PCDHGA8: variants seen among roughly 807,000 people sequenced by gnomAD.
PCDHGA8 encodes the protein protocadherin gamma subfamily A, 8.
PCDHGA8 carries 45 observed loss-of-function variants against 59.2 expected under a neutral mutation model. The observed-to-expected ratio is 0.76, with a 90% CI of 0.60 to 0.98. The LOEUF is 0.98. Among genes scored for constraint, PCDHGA8 ranks in the 50% least tolerant of loss-of-function variants. The probability of loss-of-function intolerance (pLI) is 0.00; values close to 1 mark genes in which losing one functional copy is unlikely to be tolerated. For synonymous variants in PCDHGA8, 531 were observed against 519.0 expected, an observed-to-expected ratio of 1.02 and a Z score of -0.32; for missense variants, 1,257 against 1,196.2, an observed-to-expected ratio of 1.05 and a Z score of -0.75.
intron 1 of PCDHGA8, chr5:141,478,333 G>T: frequency 6.2e-7 from 1 of 1,613,928 alleles, no homozygotes; most frequent in Non-Finnish European, 8.5e-7. Context: ...GAACACCAGG[G>T]CCCTCCTTGC....
At chr5:141,478,329 C>T (rs1295950117) in intron 1 of PCDHGA8, 1 of 1,613,982 alleles carries the variant, frequency 6.2e-7, no homozygotes, top group African/African-American at 1.3e-5. Context: ...TACCGAACAC[C>T]AGGGCCCTCC....
intron 1 of PCDHGA8, chr5:141,408,845 T>C (rs560368079): frequency 1.9e-6 from 3 of 1,613,670 alleles, no homozygotes; most frequent in Non-Finnish European, 8.5e-7. Flanking sequence ...ATTGACTGCC[T>C]TGGACGGAGG....
chr5:141,468,463 T>G (rs574151637), intron 1 of PCDHGA8: 6 of 152,282 alleles, frequency 3.9e-5, no homozygotes, highest in African/African-American at 1.4e-4. Flanking sequence ...AGCAAGTTAT[T>G]TCTGAGGAGA....
At position 141,423,606 on chromosome 5, in the gene PCDHGA8, G is replaced by A. The variant is rs945897368; in HGVS notation, c.2424+28369G>A. 9 of 1,612,046 alleles carry A rather than the reference G, an allele frequency of 5.6e-6. No individual in the cohort carries two copies. In the Admixed American group the frequency reaches 1.0e-4, roughly 18 times the overall value. On this transcript the variant is annotated intron_variant, in intron 1 of 3. Transcript: ENST00000398604. ...GCTGTGAGAAAAGCGAGCCACTCTT[G>A]ATAGCTGAAGACTCAGCTATCATTT...
rs917165100 is a variant in PCDHGA8, at chr5:141,442,878, C to T, written c.2424+47641C>T. Among the ~76,000 whole-genome samples, 6 of 152,178 alleles carry T rather than the reference C, an allele frequency of 3.9e-5. No homozygotes were observed. In the South Asian group the frequency reaches 8.3e-4, roughly 21 times the overall value. The stretch of plus-strand genomic sequence containing the variant: ...GTATGAGAGATGTAAATTTACAACT[C>T]AGAATCCCTGCTTATCACTTCTCCT... On this transcript the variant is annotated intron_variant, in intron 1 of 3. Coordinates refer to ENST00000398604, the MANE Select transcript of PCDHGA8 (RefSeq NM_032088.2).
In PCDHGA8 at chr5:141,487,869, G is replaced by T; in HGVS notation, c.2425-6938G>T. On this transcript the variant is annotated intron_variant, in intron 1 of 3. Transcript: ENST00000398604. This position sits in a 1 kb window ranked among gnomAD's most constrained non-coding sequence, Gnocchi z 5.0. ...AAATGAAAGTAATTGGTGATCAAGA[G>T]CCAGGCTGTTGTGGAAGCATGATGA... 1.1e-6 allele frequency: 1 copy of T among 871,620 alleles called. No individual in the cohort carries two copies. The highest frequency in any genetic ancestry group is 1.7e-6 in the Non-Finnish European group (1 of 574,346). The allele number at this position is 871,620 out of a possible 1,614,324, so 54.0% of individuals were successfully genotyped here. A position where few individuals can be genotyped will look rare whatever the true frequency, so the allele number is the denominator to read the frequency against.
intron 1 of PCDHGA8, among the ~76,000 whole-genome samples, chr5:141,488,870 G>T (rs2099680071): frequency 6.6e-6 from 1 of 152,224 alleles, no homozygotes; most frequent in African/African-American, 2.4e-5. Context: ...TGAGTGGGGA[G>T]GTAGGAAGCT....
chr5:141,475,381 T>G (rs1182018899), intron 1 of PCDHGA8, among the ~76,000 whole-genome samples: 3 of 152,226 alleles, frequency 2.0e-5, no homozygotes, highest in Non-Finnish European at 4.4e-5. Flanking sequence ...ACTTTTAAAT[T>G]TTATAAGCCA....
intron 1 of PCDHGA8, among the ~76,000 whole-genome samples, chr5:141,451,717 A>G (rs2098722445): frequency 6.6e-6 from 1 of 152,166 alleles, no homozygotes; most frequent in Non-Finnish European, 1.5e-5. Context: ...CCCTGCCTCT[A>G]CTAAAAATAC....
intron 1 of PCDHGA8, among the ~76,000 whole-genome samples, chr5:141,456,919 C>T (rs2098898169): frequency 1.3e-5 from 2 of 152,124 alleles, no homozygotes; most frequent in South Asian, 4.1e-4. Context: ...GCCGAGATCG[C>T]ACCACTGCAC....
chr5:141,425,194 A>G (rs1464968527), intron 1 of PCDHGA8, among the ~76,000 whole-genome samples: 1 of 152,206 alleles, frequency 6.6e-6, no homozygotes, highest in Non-Finnish European at 1.5e-5. Context: ...CAAACTGAGA[A>G]AAATGATGTA....
chr5:141,415,322 T>G (rs1226384298), intron 1 of PCDHGA8: 2 of 1,614,104 alleles, frequency 1.2e-6, no homozygotes, highest in South Asian at 2.2e-5. Flanking sequence ...ATCGTGCTGC[T>G]GGCGCACAGG....
rs779250544 is a variant in PCDHGA8, at chr5:141,432,639, G to A, written c.2424+37402G>A. The A allele has an allele frequency of 1.2e-6, 2 of 1,613,816 alleles. No homozygotes were observed. Among genetic ancestry groups the A allele is most frequent in the Non-Finnish European group, 1.7e-6 (2 of 1,179,934 alleles). On this transcript the variant is annotated intron_variant, in intron 1 of 3. Coordinates refer to ENST00000398604, the MANE Select transcript of PCDHGA8 (RefSeq NM_032088.2). This position sits in a 1 kb window ranked among gnomAD's most constrained non-coding sequence, Gnocchi z 6.0. Reference sequence around the variant, plus strand: ...GTGGGTCTGCACACGGGCGAGGTGCGCACGGCGCGAGCCCTGCTGGACAGA... The same window carrying A: ...GTGGGTCTGCACACGGGCGAGGTGCACACGGCGCGAGCCCTGCTGGACAGA...
chr5:141,420,229 C>A (rs1206296211), intron 1 of PCDHGA8: 1 of 1,600,344 alleles, frequency 6.2e-7, no homozygotes, highest in South Asian at 1.1e-5. Flanking sequence ...TACTGGCTAG[C>A]ATTTTAACTC....
Position 141,491,743 on chromosome 5 carries a change from A to G in PCDHGA8, c.2425-3064A>G, listed in dbSNP as rs752434173. ...GCCCCGGGCGACCCCTGGGGGCGGC[A>G]CTGGAGAAGCCGCCCGTCCTCATAA... On this transcript the variant is annotated intron_variant, in intron 1 of 3. Transcript: ENST00000398604. The surrounding 1 kb of genome is among the most constrained non-coding windows in gnomAD (Gnocchi z 6.9). 5.0e-6 allele frequency: 8 copies of G among 1,595,570 alleles called. No individual in the cohort carries two copies. In the Admixed American group the frequency reaches 1.4e-4, roughly 28 times the overall value.
At position 141,477,284 on chromosome 5, in the gene PCDHGA8, G is replaced by A. The variant is rs751714522; in HGVS notation, c.2425-17523G>A. 5.0e-6 allele frequency: 8 copies of A among 1,614,150 alleles called. No homozygotes were observed. The South Asian group carries it at 6.6e-5, about 13-fold the overall frequency. ...TGGCGAGAACGGGCTGGTGACCTGC[G>A]AAGTTCCACCGGGTCTCCCTTTCAG... On this transcript the variant is annotated intron_variant, in intron 1 of 3. Transcript: ENST00000398604. This position sits in a 1 kb window ranked among gnomAD's most constrained non-coding sequence, Gnocchi z 4.9.
chr5:141,454,351 C>T (rs1406631649), intron 1 of PCDHGA8, among the ~76,000 whole-genome samples: 2 of 152,152 alleles, frequency 1.3e-5, no homozygotes, highest in Non-Finnish European at 2.9e-5. Flanking sequence ...GAAGTTGATC[C>T]AAACTTAGAA....
At position 141,487,791 on chromosome 5, in the gene PCDHGA8, C is replaced by T; in HGVS notation, c.2425-7016C>T. ...CTTTGTAACTGTTTCGTGAATTAAC[C>T]AGAGTTGTCACAGTTTAGCATTGGG... On this transcript the variant is annotated intron_variant, in intron 1 of 3. Coordinates refer to ENST00000398604, the MANE Select transcript of PCDHGA8 (RefSeq NM_032088.2). This position sits in a 1 kb window ranked among gnomAD's most constrained non-coding sequence, Gnocchi z 5.0. 6.6e-7 allele frequency: 1 copy of T among 1,510,152 alleles called. No individual in the cohort carries two copies. The highest frequency in any genetic ancestry group is 1.4e-5 in the African/African-American group (1 of 72,206). The allele number at this position is 1,510,152 out of a possible 1,614,324, so 93.5% of individuals were successfully genotyped here. A position where few individuals can be genotyped will look rare whatever the true frequency, so the allele number is the denominator to read the frequency against.
chr5:141,428,857 A>C (rs2097165548), intron 1 of PCDHGA8: 1 of 140,386 alleles, frequency 7.1e-6, no homozygotes, highest in Non-Finnish European at 1.5e-5. Context: ...TTTTTACGGG[A>C]GACTTTTTTT....
Sources: gnomAD v4.1 joint callset for allele counts (sites outside exome capture counted in the v4.1 genomes callset) on GRCh38, gnomAD v4.1.1 for gene constraint, Gnocchi (gnomAD v3.1) non-coding constraint, MANE v1.5 for transcripts, NCBI Gene and HGNC (gene_info 2026-07-23, HGNC 2026-07-21) for gene names.